PCDHA3: variants seen among roughly 807,000 people sequenced by gnomAD.
PCDHA3 encodes the protein protocadherin alpha-3.
Under a neutral mutation model 62.2 loss-of-function variants are expected in PCDHA3, and 41 were observed. The ratio of observed to expected loss-of-function variants is 0.66; its 90% CI spans 0.51 to 0.86. The LOEUF is 0.86. Among genes scored for constraint, PCDHA3 ranks in the 40% least tolerant of loss-of-function variants. The probability of loss-of-function intolerance (pLI) is 0.00; values close to 1 mark genes in which losing one functional copy is unlikely to be tolerated. For synonymous variants in PCDHA3, 640 were observed against 555.4 expected, an observed-to-expected ratio of 1.15 and a Z score of -2.14; for missense variants, 1,304 against 1,241.2, an observed-to-expected ratio of 1.05 and a Z score of -0.76.
rs782517492 is a variant in PCDHA3, at chr5:140,857,455, A to G, written c.2394+53864A>G. The G allele has an allele frequency of 3.4e-5, 54 of 1,598,538 alleles. 6 individuals carry two copies. Among genetic ancestry groups the G allele is most frequent in the Admixed American group, 1.0e-4 (6 of 59,344 alleles). On this transcript the variant is annotated intron_variant, in intron 1 of 3. Transcript: ENST00000522353. ...TGTTCGTGAAGGAGAACAACCCGCC[A>G]GGCTGCCACATCTTCACGGTGTCTG...
At chr5:140,948,679 A>C (rs1318286539) in intron 1 of PCDHA3, among the ~76,000 whole-genome samples, 1 of 151,394 alleles carries the variant, frequency 6.6e-6, no homozygotes, top group Admixed American at 6.6e-5. Context: ...CATCTTTTTC[A>C]TTTTTGATAT....
chr5:140,828,515 A>G, intron 1 of PCDHA3: 3 of 1,614,156 alleles, frequency 1.9e-6, no homozygotes, highest in Non-Finnish European at 2.5e-6. Context: ...AAGAGTGCTG[A>G]TTTACGAATC....
intron 1 of PCDHA3, among the ~76,000 whole-genome samples, chr5:140,941,194 T>TCTTTCTTC (rs781885331): frequency 0.027 from 3,012 of 112,124 alleles, 85 homozygotes; most frequent in African/African-American, 0.068. Flanking sequence ...TCTTTTTTTT[T>TCTTTCTTC]CTTTCTTCCT....
At chr5:140,870,371 T>C (rs1419353241) in intron 1 of PCDHA3, 52 of 1,613,894 alleles carry the variant, frequency 3.2e-5, no homozygotes, top group Non-Finnish European at 4.2e-5. Flanking sequence ...TATGAACTGG[T>C]GGTGACTGCG....
chr5:140,841,068 A>G (rs1247313079), intron 1 of PCDHA3: 1 of 487,112 alleles, frequency 2.1e-6, no homozygotes, highest in African/African-American at 1.9e-5. Flanking sequence ...TATGATAAAG[A>G]AATAGAAAGT....
At chr5:140,839,439 C>T (rs1038032080) in intron 1 of PCDHA3, among the ~76,000 whole-genome samples, 10 of 151,884 alleles carry the variant, frequency 6.6e-5, no homozygotes, top group Admixed American at 5.2e-4. Flanking sequence ...GCCCAGACTG[C>T]AGTGCAGTGG....
In PCDHA3 at chr5:140,803,097, AC is replaced by A. The variant is rs782102274; in HGVS notation, c.1903del (p.Arg635ValfsTer17). The A allele has an allele frequency of 1.1e-5, 17 of 1,613,696 alleles. No homozygotes were observed. The highest frequency in any genetic ancestry group is 5.1e-6 in the Non-Finnish European group (6 of 1,179,936). On this transcript the variant is annotated frameshift_variant, in exon 1 of 4. Coordinates refer to ENST00000522353, the MANE Select transcript of PCDHA3 (RefSeq NM_018906.3). LOFTEE classifies it high-confidence loss of function. ...VGLYTGEISTTRALDEVDAPR... is the reference protein window; with the variant it reads ...VGLYTGEISTXRALDEVDAPR... ...GCTGTACACGGGAGAGATCAGCACGACCCGTGCCCTGGACGAGGTGGACGCC... is the reference window on the plus strand; with the variant it reads ...GCTGTACACGGGAGAGATCAGCACGACCGTGCCCTGGACGAGGTGGACGCC...
chr5:140,842,218 G>A, intron 1 of PCDHA3: 1 of 1,613,154 alleles, frequency 6.2e-7, no homozygotes, highest in Non-Finnish European at 8.5e-7. Context: ...ATCGAAATAC[G>A]GGAGAAATAG....
At chr5:140,871,120 C>G (rs1554165154) in intron 1 of PCDHA3, 1 of 1,613,342 alleles carries the variant, frequency 6.2e-7, no homozygotes, top group Non-Finnish European at 8.5e-7. Flanking sequence ...GGAGAGCGGA[C>G]AGGCGCCAAA....
In PCDHA3 at chr5:140,929,533, A is replaced by G; in HGVS notation, c.2395-49416A>G. 8.5e-6 allele frequency: 5 copies of G among 588,644 alleles called. No individual in the cohort carries two copies. The East Asian group carries it at 1.3e-4, about 16-fold the overall frequency. The allele number at this position is 588,644 out of a possible 1,614,324, so 36.5% of individuals were successfully genotyped here. The stretch of plus-strand genomic sequence containing the variant: ...AAGGGACTTATAGTTTATTTTTGAG[A>G]AACAAGGGCAAAAATTAAAACCTAT... On this transcript the variant is annotated intron_variant, in intron 1 of 3. Coordinates refer to ENST00000522353, the MANE Select transcript of PCDHA3 (RefSeq NM_018906.3).
chr5:140,883,568 T>C, intron 1 of PCDHA3: 3 of 1,614,110 alleles, frequency 1.9e-6, no homozygotes, highest in Non-Finnish European at 2.5e-6. Context: ...GGGCTCGCCT[T>C]CGCTGTGGGC....
chr5:140,923,832 T>C (rs1584323997), intron 1 of PCDHA3, among the ~76,000 whole-genome samples: 1 of 152,306 alleles, frequency 6.6e-6, no homozygotes, highest in East Asian at 1.9e-4. Context: ...TCAGTGGCAG[T>C]TTAAATAGAG....
At chr5:140,898,703 G>A (rs2066931625) in intron 1 of PCDHA3, among the ~76,000 whole-genome samples, 1 of 152,068 alleles carries the variant, frequency 6.6e-6, no homozygotes, top group Non-Finnish European at 1.5e-5. Context: ...GAACTTTAAA[G>A]TAGTTTTTTC....
chr5:141,004,897 G>T (rs1455115465), intron 3 of PCDHA3, among the ~76,000 whole-genome samples: 1 of 152,154 alleles, frequency 6.6e-6, no homozygotes, highest in Non-Finnish European at 1.5e-5. Context: ...TGTCAGCTCT[G>T]CCAGGGTGTA....
At chr5:140,809,791 T>C in intron 1 of PCDHA3, 1 of 468,178 alleles carries the variant, frequency 2.1e-6, no homozygotes, top group Non-Finnish European at 3.7e-6. Context: ...TTAACAGAAC[T>C]GTAATTTCTA....
intron 1 of PCDHA3, chr5:140,825,391 T>C (rs1768537331): frequency 1.4e-5 from 2 of 143,592 alleles, no homozygotes; most frequent in East Asian, 3.9e-4. Flanking sequence ...CTAATATATA[T>C]CTAATATATT....
In PCDHA3 at chr5:141,011,598, G is replaced by A. The variant is rs530366689; in HGVS notation, c.*1661G>A. ...TTAAATCAAGATACTGGTGATTCAA[G>A]GAATTTTATTTATGGTCCAGCCAAG... On this transcript the variant is annotated 3_prime_UTR_variant, in exon 4 of 4. Transcript: ENST00000522353. 6.5e-6 allele frequency: 1 copy of A among 153,736 alleles called. No homozygotes were observed. Among genetic ancestry groups the A allele is most frequent in the Non-Finnish European group, 1.5e-5 (1 of 68,012 alleles). The allele number at this position is 153,736 out of a possible 1,614,324, so 9.5% of individuals were successfully genotyped here.
intron 3 of PCDHA3, among the ~76,000 whole-genome samples, chr5:140,990,611 G>A (rs577900189): frequency 6.6e-6 from 1 of 152,116 alleles, no homozygotes; most frequent in Non-Finnish European, 1.5e-5. Context: ...GATGAATACC[G>A]TAAAGGTCTG....
At chr5:140,807,268 G>C (rs557517265) in intron 1 of PCDHA3, 36 of 1,614,224 alleles carry the variant, frequency 2.2e-5, no homozygotes, top group Non-Finnish European at 3.1e-5. Flanking sequence ...GGGAGGCAGG[G>C]AACGGTCAGC....
Sources: gnomAD v4.1 joint callset for allele counts (sites outside exome capture counted in the v4.1 genomes callset) on GRCh38, gnomAD v4.1.1 for gene constraint, MANE v1.5 for transcripts, NCBI Gene and HGNC (gene_info 2026-07-23, HGNC 2026-07-21) for gene names.